SDK2: variants seen among roughly 807,000 people sequenced by gnomAD.
SDK2 encodes sidekick cell adhesion molecule 2, also known as protein sidekick-2.
SDK2 carries 105 observed loss-of-function variants against 253.9 expected under a neutral mutation model. The observed-to-expected ratio is 0.41, with a 90% CI of 0.35 to 0.49. The LOEUF is 0.49. SDK2 is among the 20% of genes least tolerant of loss of function. SDK2 has a pLI of 0.06. For synonymous variants in SDK2, 1,249 were observed against 1,234.9 expected (o/e 1.01, Z -0.24); for missense variants, 2,608 against 3,003.0 (o/e 0.87, Z 3.07).
chr17:73,384,930 T>G (rs2062860128), intron 32 of SDK2, among the ~76,000 whole-genome samples: 1 of 152,206 alleles, frequency 6.6e-6, no homozygotes, highest in Admixed American at 6.5e-5. Context: ...GCCCCCTCCC[T>G]CTGCCACGTT....
intron 40 of SDK2, among the ~76,000 whole-genome samples, chr17:73,355,159 C>CATATATATATGTATAT (rs1355689208): frequency 1.0e-4 from 5 of 48,628 alleles, no homozygotes; most frequent in African/African-American, 6.6e-4. Flanking sequence ...CCTACACCTC[C>CATATATATATGTATAT]ATATATATAT....
intron 1 of SDK2, among the ~76,000 whole-genome samples, chr17:73,548,910 C>A (rs957755829): frequency 2.6e-5 from 4 of 152,214 alleles, no homozygotes; most frequent in African/African-American, 9.6e-5. Flanking sequence ...TCTCAGACAC[C>A]CCAAGATGCG....
At chr17:73,614,621 A>G (rs12451662) in intron 1 of SDK2, among the ~76,000 whole-genome samples, 14,916 of 29,740 alleles carry the variant, frequency 0.5, 4,484 homozygotes, top group Admixed American at 0.54. Context: ...GGGAGGGAGG[A>G]GCACAAGGAT....
intron 38 of SDK2, among the ~76,000 whole-genome samples, chr17:73,364,672 A>G (rs1266565860): frequency 2.0e-5 from 3 of 152,054 alleles, no homozygotes; most frequent in Non-Finnish European, 4.4e-5. Flanking sequence ...CCCAGGCTGG[A>G]GTGCAGTGGC....
intron 1 of SDK2, among the ~76,000 whole-genome samples, chr17:73,617,003 GAC>G (rs1480757258): frequency 6.6e-6 from 1 of 152,140 alleles, no homozygotes; most frequent in African/African-American, 2.4e-5. Flanking sequence ...GGAGGCCCAC[GAC>G]ACATGTTTAT....
chr17:73,423,965 C>A lies in SDK2; in HGVS notation c.1711G>T (p.Val571Leu). ...GAGTCGTTGCCTCCTGCTGAGATCA[C>A]CCGGCAGGTGTACGTGCCGATGTCT... Reference protein sequence around the residue: ...SGDIGTYTCRVISAGGNDSRS... With the variant: ...SGDIGTYTCRLISAGGNDSRS... The change falls in exon 13 of 45, where the codon GTG becomes TTG. Residue 571 changes from valine (V) to leucine (L), a missense_variant. Around this residue, in one of 2 missense-constraint regions of SDK2, gnomAD observed 1,505 missense variants for 1,859.1 expected, o/e 0.81. Coordinates refer to ENST00000392650, the MANE Select transcript of SDK2 (RefSeq NM_001144952.2). 1 of 1,605,420 alleles carries A rather than the reference C, an allele frequency of 6.2e-7. No individual in the cohort carries two copies. Among genetic ancestry groups the A allele is most frequent in the Non-Finnish European group, 8.5e-7 (1 of 1,176,460 alleles).
intron 44 of SDK2, among the ~76,000 whole-genome samples, chr17:73,346,989 T>C (rs1382738169): frequency 6.6e-6 from 1 of 152,194 alleles, no homozygotes; most frequent in Non-Finnish European, 1.5e-5. Context: ...GGGCTCCGCA[T>C]TGCAGATGCT....
At chr17:73,367,144 G>A (rs191980586) in intron 37 of SDK2, among the ~76,000 whole-genome samples, 103 of 151,664 alleles carry the variant, frequency 6.8e-4, no homozygotes, top group African/African-American at 2.4e-3. Flanking sequence ...GCTGGGATTG[G>A]AGAAGGGTGC....
intron 40 of SDK2, among the ~76,000 whole-genome samples, chr17:73,355,522 A>G (rs911697955): frequency 6.6e-6 from 1 of 151,514 alleles, no homozygotes; most frequent in Non-Finnish European, 1.5e-5. Context: ...TTTATTTTTT[A>G]TTTTTAGCAG....
Position 73,395,409 on chromosome 17 carries a change from G to A in SDK2, c.3355-17C>T, listed in dbSNP as rs1351336828. ...CGGGAGAGGCTGCAGCGGGGCAGGG[G>A]TGGCAAAGCTGCTATGAGCCAGGCC... On this transcript the variant is annotated splice_polypyrimidine_tract_variant and intron_variant, in intron 24 of 44. Coordinates refer to ENST00000392650, the MANE Select transcript of SDK2 (RefSeq NM_001144952.2). This position sits in a 1 kb window ranked among gnomAD's most constrained non-coding sequence, Gnocchi z 4.3. 6 of 1,604,310 alleles carry A rather than the reference G, an allele frequency of 3.7e-6. No individual in the cohort carries two copies. In the Admixed American group the frequency reaches 6.7e-5, roughly 18 times the overall value.
In SDK2 at chr17:73,570,236, C is replaced by T. The variant is rs541527930; in HGVS notation, c.65-62639G>A. ...TGTTTACACCCCTGCCTCCTAAGCA[C>T]AGCCCGGCCTCAACATGCATCTCCT... is the stretch of plus-strand genomic sequence containing the variant. On this transcript the variant is annotated intron_variant, in intron 1 of 44. Coordinates refer to ENST00000392650, the MANE Select transcript of SDK2 (RefSeq NM_001144952.2). The surrounding 1 kb of genome is among the most constrained non-coding windows in gnomAD (Gnocchi z 4.2). Among the ~76,000 whole-genome samples, 2 of 109,030 alleles carry T rather than the reference C, an allele frequency of 1.8e-5. No homozygotes were observed. Among genetic ancestry groups the T allele is most frequent in the African/African-American group, 7.3e-5 (2 of 27,552 alleles). 71.5% of individuals were successfully genotyped at this position (109,030 alleles called of 152,430 possible).
chr17:73,549,352 G>A (rs1347408379), intron 1 of SDK2, among the ~76,000 whole-genome samples: 1 of 152,146 alleles, frequency 6.6e-6, no homozygotes, highest in Non-Finnish European at 1.5e-5. Context: ...ATGACTCAAA[G>A]CTCTGCAGGT....
intron 1 of SDK2, among the ~76,000 whole-genome samples, chr17:73,613,870 C>T (rs187810132): frequency 2.5e-3 from 380 of 152,346 alleles, no homozygotes; most frequent in Middle Eastern, 6.8e-3. Flanking sequence ...CAGCTACTTT[C>T]TGCAAATGAA....
In SDK2 at chr17:73,584,561, T is replaced by C. The variant is rs115678780; in HGVS notation, c.64+59464A>G. Reference sequence around the variant, plus strand: ...GGAGGCTTTGGAGAGAGTCAGCCCCTAGCACGTACCCAGGGAGCACCTTCT... The same window carrying C: ...GGAGGCTTTGGAGAGAGTCAGCCCCCAGCACGTACCCAGGGAGCACCTTCT... On this transcript the variant is annotated intron_variant, in intron 1 of 44. Coordinates refer to ENST00000392650, the MANE Select transcript of SDK2 (RefSeq NM_001144952.2). Among the ~76,000 whole-genome samples, 1,082 of 152,312 alleles carry C rather than the reference T, an allele frequency of 7.1e-3. 13 individuals are homozygous for C. The highest frequency in any genetic ancestry group is 0.025 in the African/African-American group (1,034 of 41,578).
intron 1 of SDK2, among the ~76,000 whole-genome samples, chr17:73,537,666 T>C (rs757594054): frequency 9.9e-5 from 15 of 151,618 alleles, no homozygotes; most frequent in Non-Finnish European, 1.9e-4. Flanking sequence ...GCCTGGGATG[T>C]AGGAGGAGGC....
In SDK2 at chr17:73,361,710, G is replaced by C; in HGVS notation, c.5441C>G (p.Ala1814Gly). The C allele has an allele frequency of 6.2e-7, 1 of 1,612,328 alleles. No homozygotes were observed. Among genetic ancestry groups the C allele is most frequent in the Non-Finnish European group, 8.5e-7 (1 of 1,178,510 alleles). ...TTCTCCGGGGCCCGTGGTGACGTTG[G>C]CTTCGATCTCCGGCCCGTAGGTGAA... ...KTFTYGPEIE[A>G]NVTTGPGEGA... The change falls in exon 39 of 45, where the codon GCC becomes GGC. Residue 1814 changes from alanine (A) to glycine (G), a missense_variant. By Grantham distance (60) the Ala-to-Gly change is moderately conservative. This residue lies in a region of SDK2 where 1,103 missense variants were observed against 1,143.9 expected (regional missense o/e 0.96). Coordinates refer to ENST00000392650, the MANE Select transcript of SDK2 (RefSeq NM_001144952.2). The surrounding 1 kb of genome is among the most constrained non-coding windows in gnomAD (Gnocchi z 4.1).
chr17:73,473,219 A>G (rs558188671), intron 2 of SDK2, among the ~76,000 whole-genome samples: 2 of 152,192 alleles, frequency 1.3e-5, no homozygotes, highest in Admixed American at 1.3e-4. Flanking sequence ...AGACTCTGGC[A>G]TTGGGGGGCA....
At chr17:73,505,958 A>G (rs888401316) in intron 2 of SDK2, among the ~76,000 whole-genome samples, 1 of 152,180 alleles carries the variant, frequency 6.6e-6, no homozygotes, top group Admixed American at 6.5e-5. Context: ...CCGCCCTTGC[A>G]TCCTAGCAGT....
At position 73,414,738 on chromosome 17, in the gene SDK2, T is replaced by A. The variant is rs1202963754; in HGVS notation, c.2390A>T (p.Asn797Ile). 6.2e-7 allele frequency: 1 copy of A among 1,613,502 alleles called. No individual in the cohort carries two copies. Residue 797 changes from asparagine (N) to isoleucine (I), a missense_variant, in exon 18 of 45, where the codon AAT becomes ATT. Coordinates refer to ENST00000392650, the MANE Select transcript of SDK2 (RefSeq NM_001144952.2). ...GGAATTGGTGGCTTCCGCGTGCACA[T>A]TGCCCGGAGGGACCGTGGGAACTAG... ...LQGVPTVPPG[N>I]VHAEATNSTT...
Sources: allele counts gnomAD v4.1 joint callset (sites outside exome capture counted in the v4.1 genomes callset), GRCh38; gene constraint gnomAD v4.1.1; regional missense constraint gnomAD v4.1.1; non-coding constraint Gnocchi (gnomAD v3.1); transcripts MANE v1.5; gene names NCBI Gene and HGNC (gene_info 2026-07-23, HGNC 2026-07-21).